KIAA1217: variants seen among roughly 807,000 people sequenced by gnomAD.
The protein encoded by KIAA1217 is KIAA1217, also known as sickle tail protein homolog.
KIAA1217 carries 88 observed loss-of-function variants against 163.9 expected under a neutral mutation model. The ratio of observed to expected loss-of-function variants is 0.54; its 90% CI spans 0.45 to 0.64. The LOEUF (loss-of-function observed/expected upper bound fraction) is 0.64, where lower values mean the gene tolerates loss of function less well. Ranked by LOEUF, KIAA1217 falls within the 30% of genes least tolerant of loss-of-function variation. KIAA1217 has a pLI of 0.00. For missense variants in KIAA1217, 2,372 were observed against 2,475.0 expected (o/e 0.96, Z 0.88); for synonymous variants, 903 against 923.1 (o/e 0.98, Z 0.39).
chr10:23,709,382 G>A (rs1269236419), intron 1 of KIAA1217, among the ~76,000 whole-genome samples: 1 of 151,932 alleles, frequency 6.6e-6, no homozygotes, highest in African/African-American at 2.4e-5. Flanking sequence ...TTAAAAATTA[G>A]CCAGGCACGG....
intron 1 of KIAA1217, among the ~76,000 whole-genome samples, chr10:23,766,936 A>G (rs1834559364): frequency 6.6e-6 from 1 of 152,322 alleles, no homozygotes; most frequent in Non-Finnish European, 1.5e-5. Context: ...TCATTCGTTT[A>G]GCAAACATTC....
chr10:24,283,033 A>G (rs1308454875), intron 2 of KIAA1217, among the ~76,000 whole-genome samples: 3 of 151,558 alleles, frequency 2.0e-5, no homozygotes, highest in Non-Finnish European at 2.9e-5. Flanking sequence ...GGGTTTCTCC[A>G]TGTTGGTCTG....
rs372465538 is a variant in KIAA1217 at position 23,981,698 on chromosome 10, C to T, written c.-320-25527C>T. ...ATAACTTCCTTTACACATGTCAAGACCAGCCCTGTTTGTGGACAATCTGTA... is the reference window on the plus strand; with the variant it reads ...ATAACTTCCTTTACACATGTCAAGATCAGCCCTGTTTGTGGACAATCTGTA... On this transcript the variant is annotated intron_variant, in intron 1 of 18. Transcript: ENST00000376462. 3.3e-5 allele frequency among the ~76,000 whole-genome samples: 5 copies of T among 152,044 alleles called. No homozygotes were observed. The South Asian group carries it at 1.0e-3, about 32-fold the overall frequency.
At chr10:23,832,187 A>G (rs1266246058) in intron 1 of KIAA1217, among the ~76,000 whole-genome samples, 2 of 152,230 alleles carry the variant, frequency 1.3e-5, no homozygotes, top group African/African-American at 4.8e-5. Context: ...GCAACAAAGC[A>G]GGTTCCTGTG....
intron 2 of KIAA1217, among the ~76,000 whole-genome samples, chr10:24,271,495 A>G (rs2076763146): frequency 6.6e-6 from 1 of 152,188 alleles, no homozygotes; most frequent in African/African-American, 2.4e-5. Context: ...TCACACCTGT[A>G]ATTCTAGCAC....
Position 24,473,923 on chromosome 10 carries a change from G to A in KIAA1217, c.1542G>A (p.Glu514=), listed in dbSNP as rs2133081351. The A allele has an allele frequency of 6.2e-7, 1 of 1,614,152 alleles. No individual in the cohort carries two copies. The highest frequency in any genetic ancestry group is 8.5e-7 in the Non-Finnish European group (1 of 1,180,030). ...ASPSRQAFKK[E]PGTLVYIEKP... is the part of the protein sequence containing the mutation. Reference sequence around the variant, plus strand: ...CGAGCCGCCAGGCCTTTAAAAAGGAGCCAGGCACCTTGGTGTATATAGAAA... The same window carrying A: ...CGAGCCGCCAGGCCTTTAAAAAGGAACCAGGCACCTTGGTGTATATAGAAA... The change falls in exon 6 of 21, where the codon GAG becomes GAA. Residue 514 remains glutamate, a synonymous_variant. Transcript: ENST00000376454.
chr10:24,536,747 G>A (rs200165964), intron 16 of KIAA1217, 27 bp from the exon 17 acceptor site: 2 of 1,610,882 alleles, frequency 1.2e-6, no homozygotes, highest in Admixed American at 1.7e-5. Context: ...TTGGATCCCT[G>A]TTAACCTCAG....
chr10:24,156,662 C>T (rs974961895), intron 2 of KIAA1217, among the ~76,000 whole-genome samples: 5 of 152,152 alleles, frequency 3.3e-5, no homozygotes, highest in African/African-American at 9.7e-5. Context: ...GGGCCACTAT[C>T]CACCTTCCCT....
intron 1 of KIAA1217, among the ~76,000 whole-genome samples, chr10:23,998,425 C>T (rs370546027): frequency 6.6e-6 from 1 of 152,206 alleles, no homozygotes; most frequent in East Asian, 1.9e-4. Context: ...CCCTGTTTCT[C>T]GTTCCTGCCT....
At chr10:24,163,228 C>T (rs1435798563) in intron 2 of KIAA1217, among the ~76,000 whole-genome samples, 2 of 152,184 alleles carry the variant, frequency 1.3e-5, no homozygotes, top group African/African-American at 4.8e-5. Context: ...AGTGGCAAGA[C>T]TAGTAGACTG....
intron 5 of KIAA1217, among the ~76,000 whole-genome samples, chr10:24,465,023 C>T (rs1011440743): frequency 2.6e-5 from 4 of 152,124 alleles, no homozygotes; most frequent in East Asian, 1.9e-4. Flanking sequence ...GTGATAGGGG[C>T]GGCATCGTGG....
intron 1 of KIAA1217, among the ~76,000 whole-genome samples, chr10:23,931,453 T>C (rs184931541): frequency 1.2e-4 from 18 of 152,236 alleles, no homozygotes; most frequent in African/African-American, 4.1e-4. Flanking sequence ...GGCCATCCCA[T>C]CTAACATTTA....
chr10:24,410,299 A>G (rs1011741299), intron 3 of KIAA1217, among the ~76,000 whole-genome samples: 2 of 152,110 alleles, frequency 1.3e-5, no homozygotes, highest in African/African-American at 4.8e-5. Context: ...CCTGGCCTAT[A>G]CCACAGTTTC....
chr10:24,062,967 G>A (rs141532563), intron 2 of KIAA1217, among the ~76,000 whole-genome samples: 3,985 of 151,750 alleles, frequency 0.026, 165 homozygotes, highest in African/African-American at 0.092. Flanking sequence ...CATATCCTTC[G>A]CCCACTTTTC....
intron 2 of KIAA1217, among the ~76,000 whole-genome samples, chr10:24,135,486 T>C (rs1404339440): frequency 2.0e-5 from 3 of 151,864 alleles, no homozygotes; most frequent in African/African-American, 7.3e-5. Context: ...GTGTCTAAAG[T>C]GCTCAGGGAG....
chr10:24,214,141 A>T (rs931490082), intron 1 of KIAA1217, among the ~76,000 whole-genome samples: 2 of 152,170 alleles, frequency 1.3e-5, no homozygotes, highest in African/African-American at 4.8e-5. Context: ...TAGGTGACAG[A>T]GCAAGACCCT....
intron 20 of KIAA1217, 63 bp from the exon 21 acceptor site, chr10:24,545,764 C>A (rs1282355100): frequency 6.5e-6 from 10 of 1,533,560 alleles, no homozygotes; most frequent in Non-Finnish European, 8.7e-6. Flanking sequence ...TGTTGCCAGG[C>A]CCTGTGGGTT....
chr10:23,836,968 A>G (rs1838493070), intron 1 of KIAA1217, among the ~76,000 whole-genome samples: 1 of 151,940 alleles, frequency 6.6e-6, no homozygotes, highest in East Asian at 1.9e-4. Flanking sequence ...TGAATAAGGT[A>G]CATTGTGCCC....
chr10:23,731,348 A>T (rs1838465654), intron 1 of KIAA1217, among the ~76,000 whole-genome samples: 1 of 152,196 alleles, frequency 6.6e-6, no homozygotes, highest in Non-Finnish European at 1.5e-5. Context: ...TGTACAAAAA[A>T]CAGTGGTGTT....
Sources: gnomAD v4.1 joint callset for allele counts (sites outside exome capture counted in the v4.1 genomes callset) on GRCh38, gnomAD v4.1.1 for gene constraint, MANE v1.5 for transcripts, NCBI Gene and HGNC (gene_info 2026-07-23, HGNC 2026-07-21) for gene names.